Variants in GPCPD1 observed in about 807,000 individuals in gnomAD.
GPCPD1 encodes the protein glycerophosphocholine phosphodiesterase GPCPD1.
Under a neutral mutation model 89.2 loss-of-function variants are expected in GPCPD1, and 29 were observed. That is an observed-to-expected ratio of 0.33 (90% CI 0.24 to 0.44). The LOEUF is 0.44. GPCPD1 is among the 20% of genes least tolerant of loss of function. The probability of loss-of-function intolerance (pLI) is 1.00; values close to 1 mark genes in which losing one functional copy is unlikely to be tolerated. For synonymous variants in GPCPD1, 258 were observed against 266.3 expected, an observed-to-expected ratio of 0.97 and a Z score of 0.30; for missense variants, 594 against 808.9, an observed-to-expected ratio of 0.73 and a Z score of 3.22.
intron 15 of GPCPD1, 138 bp from the exon 16 acceptor site, chr20:5,561,668 A>T: frequency 1.8e-6 from 1 of 548,466 alleles, no homozygotes; most frequent in South Asian, 2.7e-5. Context: ...CATAATGCAC[A>T]AACATATTTT....
chr20:5,554,488 GAATTACGCTA>G (rs1004182778), intron 19 of GPCPD1, among the ~76,000 whole-genome samples: 12 of 152,168 alleles, frequency 7.9e-5, no homozygotes, highest in Admixed American at 5.2e-4. Flanking sequence ...GGGCCCTTCA[GAATTACGCTA>G]AATCTACTTT....
At chr20:5,609,183 GA>G (rs1004980769) in intron 1 of GPCPD1, among the ~76,000 whole-genome samples, 37 of 152,234 alleles carry the variant, frequency 2.4e-4, no homozygotes, top group Admixed American at 1.6e-3. Context: ...TTTTTTCAAG[GA>G]AAAAAGCTGT....
intron 4 of GPCPD1, among the ~76,000 whole-genome samples, chr20:5,587,017 T>A: frequency 6.6e-6 from 1 of 152,126 alleles, no homozygotes; most frequent in East Asian, 1.9e-4. Flanking sequence ...CAAGCTCCCC[T>A]ACTAAAAAAG....
At chr20:5,595,914 A>G (rs1266903566) in intron 3 of GPCPD1, among the ~76,000 whole-genome samples, 1 of 152,070 alleles carries the variant, frequency 6.6e-6, no homozygotes, top group Non-Finnish European at 1.5e-5. Context: ...GCTGTGAAAA[A>G]CGTGCTGCCG....
chr20:5,555,310 G>A (rs879397643), intron 19 of GPCPD1, among the ~76,000 whole-genome samples: 1 of 152,150 alleles, frequency 6.6e-6, no homozygotes, highest in Non-Finnish European at 1.5e-5. Flanking sequence ...GGTAAAGGCA[G>A]GCAGATCACC....
chr20:5,602,816 C>G (rs1035461710), intron 2 of GPCPD1, among the ~76,000 whole-genome samples: 1 of 152,056 alleles, frequency 6.6e-6, no homozygotes, highest in Non-Finnish European at 1.5e-5. Context: ...AACCCCATCT[C>G]TACAAAAAAT....
At chr20:5,590,018 A>C (rs1008771477) in intron 4 of GPCPD1, among the ~76,000 whole-genome samples, 1 of 152,228 alleles carries the variant, frequency 6.6e-6, no homozygotes. Flanking sequence ...ATAAGTCTTA[A>C]TGATTGTTTT....
intron 19 of GPCPD1, chr20:5,548,742 A>C: frequency 4.0e-6 from 1 of 250,422 alleles, no homozygotes; most frequent in Non-Finnish European, 7.9e-6. Flanking sequence ...AAGAACTGAA[A>C]GTTTGTCAGT....
Position 5,575,500 on chromosome 20 carries a change from A to G in GPCPD1, c.914T>C (p.Met305Thr), listed in dbSNP as rs1978286733. ...IKPLPGYSCD[M>T]KSSFSKYWKP... is the part of the protein sequence containing the mutation. The stretch of plus-strand genomic sequence containing the variant: ...CCAATACTTGGAAAATGAAGATTTC[A>G]TGTCACAACTGTATCCTGGTAATGG... Residue 305 changes from methionine (M) to threonine (T), a missense_variant, in exon 10 of 20, where the codon ATG becomes ACG. Physicochemically the swap from Met to Thr is moderately conservative, Grantham distance 81 (BLOSUM62 -1). Transcript: ENST00000379019. 2 of 1,590,654 alleles carry G rather than the reference A, an allele frequency of 1.3e-6. No individual in the cohort carries two copies. Among genetic ancestry groups the G allele is most frequent in the South Asian group, 2.2e-5 (2 of 90,552 alleles).
chr20:5,593,198 TATTA>T (rs1979454405), intron 4 of GPCPD1, 125 bp downstream of exon 4: 3 of 553,772 alleles, frequency 5.4e-6, no homozygotes, highest in Admixed American at 6.2e-5. Context: ...TGGTAAATTT[TATTA>T]ATCAAGAGTT....
At chr20:5,594,779 T>C (rs1211993746) in intron 3 of GPCPD1, among the ~76,000 whole-genome samples, 1 of 152,232 alleles carries the variant, frequency 6.6e-6, no homozygotes, top group Non-Finnish European at 1.5e-5. Flanking sequence ...TTGCACTTTA[T>C]TATACTTCAC....
chr20:5,553,625 C>G lies in GPCPD1; in HGVS notation c.1829+4320G>C, dbSNP rs117664987. ...AAATTGAAAGTGCTACTACAGTGAA[C>G]ACAACAATGAAAAGAAAGCAAAGCA... On this transcript the variant is annotated intron_variant, in intron 19 of 19. Coordinates refer to ENST00000379019, the MANE Select transcript of GPCPD1 (RefSeq NM_019593.5). Among the ~76,000 whole-genome samples, 552 of 152,278 alleles carry G rather than the reference C, an allele frequency of 3.6e-3. 22 individuals are homozygous for G. The East Asian group carries it at 0.087, about 24-fold the overall frequency.
At chr20:5,580,675 G>A (rs1267250546) in intron 6 of GPCPD1, among the ~76,000 whole-genome samples, 7 of 147,754 alleles carry the variant, frequency 4.7e-5, no homozygotes, top group African/African-American at 7.5e-5. Context: ...GCAGTGAGCC[G>A]AGATCGCACC....
In GPCPD1 at chr20:5,575,494, G is replaced by A. The variant is rs780883529; in HGVS notation, c.920C>T (p.Ser307Phe). The change falls in exon 10 of 20, where the codon TCT becomes TTT. Residue 307 changes from serine (S) to phenylalanine (F), a missense_variant. Physicochemically the swap from Ser to Phe is radical, Grantham distance 155. Coordinates refer to ENST00000379019, the MANE Select transcript of GPCPD1 (RefSeq NM_019593.5). ...TGGCTTCCAATACTTGGAAAATGAAGATTTCATGTCACAACTGTATCCTGG... is the reference window on the plus strand; with the variant it reads ...TGGCTTCCAATACTTGGAAAATGAAAATTTCATGTCACAACTGTATCCTGG... ...PLPGYSCDMK[S>F]SFSKYWKPRI... The A allele has an allele frequency of 6.3e-7, 1 of 1,594,618 alleles. No homozygotes were observed. Among genetic ancestry groups the A allele is most frequent in the African/African-American group, 1.3e-5 (1 of 74,542 alleles).
chr20:5,584,048 G>A lies in GPCPD1; in HGVS notation c.349+233C>T, dbSNP rs1037010775. On this transcript the variant is annotated intron_variant, in intron 6 of 19. Transcript: ENST00000379019. ...TTGCTTAACAATGAAGATAAGTTCT[G>A]AGAAATGCACATTAGACGATTTCAT... 7.2e-5 allele frequency among the ~76,000 whole-genome samples: 11 copies of A among 152,154 alleles called. 1 individual carries two copies. In the South Asian group the frequency reaches 2.3e-3, roughly 32 times the overall value.
chr20:5,606,992 A>G (rs1197985779), intron 1 of GPCPD1, among the ~76,000 whole-genome samples: 4 of 152,232 alleles, frequency 2.6e-5, no homozygotes, highest in African/African-American at 7.2e-5. Flanking sequence ...ACACTAGTGC[A>G]AACCTTCCCT....
intron 4 of GPCPD1, among the ~76,000 whole-genome samples, chr20:5,590,542 C>CA (rs71197771): frequency 3.3e-4 from 26 of 78,964 alleles, no homozygotes; most frequent in Admixed American, 6.2e-4. Flanking sequence ...GACTCTGTCT[C>CA]AAAAAAAAAA....
In GPCPD1 at chr20:5,610,848, G is replaced by A. The variant is rs1980927815; in HGVS notation, c.-35C>T. 6.6e-6 allele frequency: 1 copy of A among 151,634 alleles called. No homozygotes were observed. The highest frequency in any genetic ancestry group is 2.0e-4 in the South Asian group (1 of 4,904). 9.4% of individuals were successfully genotyped at this position (151,634 alleles called of 1,614,324 possible). ...ACCCGGCTCGCTGCCTCACCTCCGG[G>A]TTCGCTAGTCCGCAGGTCCGCGTCG... On this transcript the variant is annotated 5_prime_UTR_variant, in exon 1 of 20. Transcript: ENST00000379019.
intron 2 of GPCPD1, among the ~76,000 whole-genome samples, chr20:5,599,415 C>T (rs968821537): frequency 1.3e-5 from 2 of 151,722 alleles, no homozygotes; most frequent in Admixed American, 6.6e-5. Flanking sequence ...TGCAGTGAGC[C>T]GAAATCACAC....
Sources: gnomAD v4.1 joint callset for allele counts (sites outside exome capture counted in the v4.1 genomes callset) on GRCh38, gnomAD v4.1.1 for gene constraint, MANE v1.5 for transcripts, NCBI Gene and HGNC (gene_info 2026-07-23, HGNC 2026-07-21) for gene names.